RHOBTB2: variants seen among roughly 807,000 people sequenced by gnomAD.
RHOBTB2 encodes Rho related BTB domain containing 2.
A neutral mutation model predicts 66.5 loss-of-function variants in RHOBTB2; 39 were observed. The observed-to-expected ratio is 0.59, with a 90% CI of 0.45 to 0.77. The LOEUF is 0.77. Ranked by LOEUF, RHOBTB2 falls within the 30% of genes least tolerant of loss-of-function variation. The pLI is 0.00. For missense variants in RHOBTB2, 755 were observed against 999.1 expected (o/e 0.76, Z 3.29); for synonymous variants, 390 against 395.0 (o/e 0.99, Z 0.15).
At position 23,017,674 on chromosome 8, in the gene RHOBTB2, G is replaced by A; in HGVS notation, c.*205G>A. 2 of 738,040 alleles carry A rather than the reference G, an allele frequency of 2.7e-6. No individual in the cohort carries two copies. Among genetic ancestry groups the A allele is most frequent in the South Asian group, 1.9e-5 (1 of 52,234 alleles). The allele number at this position is 738,040 out of a possible 1,614,324, so 45.7% of individuals were successfully genotyped here. Reference sequence around the variant, plus strand: ...GAGCAGAACGGGAACCACCTGCAGAGGTCCCCAGACCCAAAGCAGGACGGG... The same window carrying A: ...GAGCAGAACGGGAACCACCTGCAGAAGTCCCCAGACCCAAAGCAGGACGGG... On this transcript the variant is annotated 3_prime_UTR_variant, in exon 10 of 10. Transcript: ENST00000251822. The surrounding 1 kb of genome is among the most constrained non-coding windows in gnomAD (Gnocchi z 5.3).
rs772928038 is a variant in RHOBTB2, at chr8:22,999,769, C to T, written c.-347C>T. 4.1e-5 allele frequency: 40 copies of T among 986,382 alleles called. No individual in the cohort carries two copies. In the East Asian group the frequency reaches 5.6e-4, roughly 14 times the overall value. 61.1% of individuals were successfully genotyped at this position (986,382 alleles called of 1,614,324 possible). A position where few individuals can be genotyped will look rare whatever the true frequency, so the allele number is the denominator to read the frequency against. On this transcript the variant is annotated 5_prime_UTR_variant, in exon 1 of 10. Transcript: ENST00000251822. ...GGCGGCCTCGCCCCTCTCCCGGCGC[C>T]CCTGCGCGCCGCCCGCTGCCTCCGC...
the RHOBTB2 span, among the ~76,000 whole-genome samples, chr8:22,963,157 C>T: frequency 6.6e-6 from 1 of 152,106 alleles, no homozygotes; most frequent in Non-Finnish European, 1.5e-5. Context: ...AGATAACCCA[C>T]CCCATGCTAG....
At chr8:22,962,208 A>AG in the RHOBTB2 span, among the ~76,000 whole-genome samples, 1 of 129,414 alleles carries the variant, frequency 7.7e-6, no homozygotes, top group Non-Finnish European at 1.7e-5. Flanking sequence ...AAAAAAAAAA[A>AG]AAAAAGGAAA....
Position 23,004,526 on chromosome 8 carries a change from T to A in RHOBTB2, c.92T>A (p.Ile31Asn). The change falls in exon 2 of 10, where the codon ATC (isoleucine) becomes AAC (asparagine). Residue 31 changes from isoleucine to asparagine, a missense_variant. Ile to Asn is a moderately radical substitution (Grantham distance 149). Coordinates refer to ENST00000251822, the MANE Select transcript of RHOBTB2 (RefSeq NM_015178.3). The surrounding 1 kb of genome is among the most constrained non-coding windows in gnomAD (Gnocchi z 6.4). Reference protein sequence around the residue: ...GDNAVGKTRLICARACNATLT... With the variant: ...GDNAVGKTRLNCARACNATLT... ...AACGCCGTGGGTAAGACCAGGCTCA[T>A]CTGTGCCCGCGCTTGCAATGCCACC... 1 of 1,614,192 alleles carries A rather than the reference T, an allele frequency of 6.2e-7. No individual in the cohort carries two copies. Among genetic ancestry groups the A allele is most frequent in the Non-Finnish European group, 8.5e-7 (1 of 1,180,044 alleles).
At position 23,017,535 on chromosome 8, in the gene RHOBTB2, C is replaced by G; in HGVS notation, c.*66C>G. 1.3e-6 allele frequency: 2 copies of G among 1,542,724 alleles called. No individual in the cohort carries two copies. The highest frequency in any genetic ancestry group is 2.5e-5 in the East Asian group (1 of 40,796). On this transcript the variant is annotated 3_prime_UTR_variant, in exon 10 of 10. Transcript: ENST00000251822. The surrounding 1 kb of genome is among the most constrained non-coding windows in gnomAD (Gnocchi z 5.3). ...ATCCGCCTTCACCCCTCTGCTCTTCCGCATCACCCCATCCACCTTACAGGG... is the reference window on the plus strand; with the variant it reads ...ATCCGCCTTCACCCCTCTGCTCTTCGGCATCACCCCATCCACCTTACAGGG...
chr8:22,972,620 C>T, the RHOBTB2 span, among the ~76,000 whole-genome samples: 1 of 152,218 alleles, frequency 6.6e-6, no homozygotes, highest in Non-Finnish European at 1.5e-5. Flanking sequence ...AAGCCTTTTG[C>T]TCAGTGGTTC....
At chr8:22,973,299 G>A in the RHOBTB2 span, among the ~76,000 whole-genome samples, 4 of 152,006 alleles carry the variant, frequency 2.6e-5, no homozygotes, top group African/African-American at 7.3e-5. Flanking sequence ...CCCGATCATC[G>A]CTCATTGCAC....
Position 23,019,994 on chromosome 8 carries a change from C to A in RHOBTB2, c.*2525C>A, listed in dbSNP as rs1316596186. On this transcript the variant is annotated 3_prime_UTR_variant, in exon 10 of 10. Coordinates refer to ENST00000251822, the MANE Select transcript of RHOBTB2 (RefSeq NM_015178.3). ...GGGGAGTCGGATTCAGGAAACACCC[C>A]CAGGAGGCCAAGCCTGAAAACAGAG... 3 of 314,216 alleles carry A rather than the reference C, an allele frequency of 9.5e-6. No individual in the cohort carries two copies. Among genetic ancestry groups the A allele is most frequent in the Non-Finnish European group, 1.9e-5 (3 of 161,230 alleles). The allele number at this position is 314,216 out of a possible 1,614,324, so 19.5% of individuals were successfully genotyped here. A position where few individuals can be genotyped will look rare whatever the true frequency, so the allele number is the denominator to read the frequency against.
At chr8:22,971,811 G>A in the RHOBTB2 span, among the ~76,000 whole-genome samples, 1 of 151,994 alleles carries the variant, frequency 6.6e-6, no homozygotes. Flanking sequence ...CTTTCTGCAG[G>A]ATAACCTCCA....
the RHOBTB2 span, among the ~76,000 whole-genome samples, chr8:22,963,947 A>G: frequency 6.6e-6 from 1 of 151,826 alleles, no homozygotes; most frequent in Admixed American, 6.6e-5. Flanking sequence ...ATGCCCAGCT[A>G]ATTTTGTATT....
At position 23,004,743 on chromosome 8, in the gene RHOBTB2, G is replaced by A. The variant is rs1332157724; in HGVS notation, c.192+117G>A. ...CGGGAGCCCTCTAGGGGTGGGACAG[G>A]ATGGGTTGGGGGCAGCTGAAGAGGA... On this transcript the variant is annotated intron_variant, in intron 2 of 9. Transcript: ENST00000251822. This position sits in a 1 kb window ranked among gnomAD's most constrained non-coding sequence, Gnocchi z 6.4. 3.0e-6 allele frequency: 3 copies of A among 992,420 alleles called. No individual in the cohort carries two copies. The highest frequency in any genetic ancestry group is 4.5e-6 in the Non-Finnish European group (3 of 665,410). 61.5% of individuals were successfully genotyped at this position (992,420 alleles called of 1,614,324 possible).
chr8:23,017,322 G>T lies in RHOBTB2; in HGVS notation c.2037G>T (p.Gln679His). ...ACCTGAAGGAGGAAGATCATTACCA[G>T]CGGGCACGGAAGGAGCGTGAGAAGG... ...VWYLKEEDHY[Q>H]RARKEREKED... is the part of the protein sequence containing the mutation. The change falls in exon 10 of 10, where the codon CAG becomes CAT. Residue 679 changes from glutamine (Q) to histidine (H), a missense_variant. Physicochemically the swap from Gln to His is conservative, Grantham distance 24. Around this residue, in one of 7 missense-constraint regions of RHOBTB2, gnomAD observed 353 missense variants for 458.2 expected, o/e 0.77. Coordinates refer to ENST00000251822, the MANE Select transcript of RHOBTB2 (RefSeq NM_015178.3). This position sits in a 1 kb window ranked among gnomAD's most constrained non-coding sequence, Gnocchi z 5.3. 1 of 1,614,212 alleles carries T rather than the reference G, an allele frequency of 6.2e-7. No individual in the cohort carries two copies. The highest frequency in any genetic ancestry group is 1.1e-5 in the South Asian group (1 of 91,086).
upstream of RHOBTB2, among the ~76,000 whole-genome samples, chr8:22,986,936 G>A (rs12678599): frequency 0.057 from 8,621 of 152,314 alleles, 394 homozygotes; most frequent in East Asian, 0.22. Flanking sequence ...GCAGAAGTAG[G>A]AGCAAAGCCT....
At chr8:22,963,857 C>T in the RHOBTB2 span, among the ~76,000 whole-genome samples, 1 of 152,072 alleles carries the variant, frequency 6.6e-6, no homozygotes, top group African/African-American at 2.4e-5. Context: ...TCTTGGCTCA[C>T]CACAACCACC....
At chr8:22,969,796 G>A in the RHOBTB2 span, among the ~76,000 whole-genome samples, 1 of 152,164 alleles carries the variant, frequency 6.6e-6, no homozygotes, top group Admixed American at 6.5e-5. Flanking sequence ...TCGTCATCTA[G>A]GCTGGAGTGC....
the RHOBTB2 span, chr8:22,978,168 A>G: frequency 6.6e-6 from 1 of 152,132 alleles, no homozygotes. Flanking sequence ...TTTTAAAATA[A>G]TTGTGTTAAA....
At chr8:23,015,353 C>T (rs1464637331) in intron 8 of RHOBTB2, among the ~76,000 whole-genome samples, 1 of 152,134 alleles carries the variant, frequency 6.6e-6, no homozygotes, top group Non-Finnish European at 1.5e-5. Context: ...AGGGCAGATG[C>T]AGTATGAAGC....
At position 23,007,554 on chromosome 8, in the gene RHOBTB2, G is replaced by A; in HGVS notation, c.1309G>A (p.Glu437Lys). 6.2e-7 allele frequency: 1 copy of A among 1,614,194 alleles called. No homozygotes were observed. Among genetic ancestry groups the A allele is most frequent in the East Asian group, 2.2e-5 (1 of 44,876 alleles). ...TGTCCTCAAGTACCTGTACACGGGGGAGCTAGATGAGAACGAGCGTGACCT... is the reference window on the plus strand; with the variant it reads ...TGTCCTCAAGTACCTGTACACGGGGAAGCTAGATGAGAACGAGCGTGACCT... The part of the protein sequence containing the change: ...RAVLKYLYTG[E>K]LDENERDLMH... The change falls in exon 5 of 10, where the codon GAG (glutamate) becomes AAG (lysine). Residue 437 changes from glutamate (E) to lysine (K), a missense_variant. Glu to Lys is a moderately conservative substitution (Grantham distance 56, BLOSUM62 1). Coordinates refer to ENST00000251822, the MANE Select transcript of RHOBTB2 (RefSeq NM_015178.3).
the RHOBTB2 span, among the ~76,000 whole-genome samples, chr8:22,951,861 C>T: frequency 6.6e-6 from 1 of 152,250 alleles, no homozygotes; most frequent in East Asian, 1.9e-4. Context: ...GCTAGGATTA[C>T]AGGTGTGCGC....
Sources: allele counts gnomAD v4.1 joint callset (sites outside exome capture counted in the v4.1 genomes callset), GRCh38; gene constraint gnomAD v4.1.1; regional missense constraint gnomAD v4.1.1; non-coding constraint Gnocchi (gnomAD v3.1); transcripts MANE v1.5; gene names NCBI Gene and HGNC (gene_info 2026-07-23, HGNC 2026-07-21).